The following TAF4 variants were observed in gnomAD, a reference collection of about 807,000 sequenced individuals.
TAF4 encodes TATA-box binding protein associated factor 4.
Under a neutral mutation model 90.3 loss-of-function variants are expected in TAF4, and 9 were observed. The observed-to-expected ratio is 0.10, with a 90% CI of 0.06 to 0.17. The LOEUF (loss-of-function observed/expected upper bound fraction) is 0.17, where lower values mean the gene tolerates loss of function less well. Among genes scored for constraint, TAF4 ranks in the 10% least tolerant of loss-of-function variants. The pLI is 1.00. For synonymous variants in TAF4, 818 were observed against 638.9 expected (o/e 1.28, Z -4.23); for missense variants, 1,351 against 1,370.7 (o/e 0.99, Z 0.23).
chr20:62,005,033 ACT>A (rs1254126867), intron 7 of TAF4: 2 of 152,314 alleles, frequency 1.3e-5, no homozygotes, highest in Non-Finnish European at 1.5e-5. Context: ...TGGCAGGTAA[ACT>A]CTATGCTGCA....
intron 11 of TAF4, among the ~76,000 whole-genome samples, 184 bp downstream of exon 11, chr20:61,999,940 C>A (rs1012752734): frequency 2.6e-5 from 4 of 152,186 alleles, no homozygotes; most frequent in African/African-American, 7.2e-5. Flanking sequence ...CAGAGTGAGA[C>A]CCTACCTCAA....
chr20:62,017,283 A>T (rs2055817450), intron 1 of TAF4, among the ~76,000 whole-genome samples: 1 of 152,208 alleles, frequency 6.6e-6, no homozygotes, highest in Non-Finnish European at 1.5e-5. Context: ...ACCCAATGTC[A>T]AACCTGACAT....
chr20:62,022,151 C>T (rs923974817), intron 1 of TAF4, among the ~76,000 whole-genome samples: 8 of 152,126 alleles, frequency 5.3e-5, no homozygotes, highest in African/African-American at 9.7e-5. Context: ...GTGTCTGCGC[C>T]GTGGAGACCT....
rs941449676 is a variant in TAF4, at chr20:62,010,936, G to A, written c.1642-771C>T. Among the ~76,000 whole-genome samples, 12 of 152,238 alleles carry A rather than the reference G, an allele frequency of 7.9e-5. No homozygotes were observed. On this transcript the variant is annotated intron_variant, in intron 3 of 14. Coordinates refer to ENST00000252996, the MANE Select transcript of TAF4 (RefSeq NM_003185.4). This position sits in a 1 kb window ranked among gnomAD's most constrained non-coding sequence, Gnocchi z 4.5. Reference sequence around the variant, plus strand: ...TATTTTAAACTAGTACTTTTCCAATGTATAAATCTAGCAGTCAACATTTTC... The same window carrying A: ...TATTTTAAACTAGTACTTTTCCAATATATAAATCTAGCAGTCAACATTTTC...
intron 3 of TAF4, among the ~76,000 whole-genome samples, chr20:62,011,090 C>T (rs1336859320): frequency 6.6e-6 from 1 of 152,232 alleles, no homozygotes; most frequent in Non-Finnish European, 1.5e-5. Context: ...GGAAGCAACT[C>T]TGAACCAGCC....
At chr20:62,057,658 G>A (rs2056072452) in intron 1 of TAF4, among the ~76,000 whole-genome samples, 2 of 51,614 alleles carry the variant, frequency 3.9e-5, no homozygotes, top group East Asian at 3.0e-4. Context: ...CACAGACAAT[G>A]GGGCTCGGGG....
intron 1 of TAF4, among the ~76,000 whole-genome samples, chr20:62,049,515 G>A (rs891523794): frequency 3.3e-5 from 5 of 152,114 alleles, no homozygotes; most frequent in South Asian, 2.1e-4. Flanking sequence ...ACAGCCTTCA[G>A]GGGTCCCCAC....
chr20:62,026,302 C>T (rs925199063), intron 1 of TAF4, among the ~76,000 whole-genome samples: 26 of 152,138 alleles, frequency 1.7e-4, no homozygotes, highest in South Asian at 2.1e-4. Flanking sequence ...AACACAGGGA[C>T]GTGAGTGTGC....
chr20:62,027,972 G>A (rs1045515461), intron 1 of TAF4, among the ~76,000 whole-genome samples: 1 of 152,252 alleles, frequency 6.6e-6, no homozygotes, highest in Non-Finnish European at 1.5e-5. Context: ...AGCCAGGCCA[G>A]GAGTTGTATC....
In TAF4 at chr20:61,982,200, CCCGAGAGGAGACACCAAACCCACACCCA is replaced by C. The variant is rs1311069851; in HGVS notation, c.3091-5893_3091-5866del. On this transcript the variant is annotated intron_variant, in intron 14 of 14. Transcript: ENST00000252996. ...GAGGAGACACCAAACCCACACCCCA[CCCGAGAGGAGACACCAAACCCACACCCA>C]CTGAGAGGAAACACCAAACCCACAC... Among the ~76,000 whole-genome samples, 46 of 118,624 alleles carry C rather than the reference CCCGAGAGGAGACACCAAACCCACACCCA, an allele frequency of 3.9e-4. 1 individual carries two copies. Among genetic ancestry groups the C allele is most frequent in the African/African-American group, 5.4e-4 (17 of 31,252 alleles). 77.8% of individuals were successfully genotyped at this position (118,624 alleles called of 152,430 possible).
intron 7 of TAF4, 123 bp from the exon 8 acceptor site, chr20:62,004,001 G>A: frequency 1.6e-6 from 2 of 1,240,166 alleles, no homozygotes; most frequent in Non-Finnish European, 2.2e-6. Context: ...AGAAGTCCTA[G>A]GAAGACCCCG....
chr20:62,033,771 G>C (rs1373956184), intron 1 of TAF4, among the ~76,000 whole-genome samples: 1 of 151,152 alleles, frequency 6.6e-6, no homozygotes, highest in African/African-American at 2.4e-5. Context: ...GGCCAGGTGA[G>C]GTGGCTCACG....
chr20:62,018,456 T>C, intron 1 of TAF4, among the ~76,000 whole-genome samples: 1 of 152,090 alleles, frequency 6.6e-6, no homozygotes, highest in Non-Finnish European at 1.5e-5. Flanking sequence ...AATTTAAGAG[T>C]AATCAACCGT....
At position 62,003,222 on chromosome 20, in the gene TAF4, G is replaced by A. The variant is rs1006245033; in HGVS notation, c.2424C>T (p.Val808=). 20 of 1,614,074 alleles carry A rather than the reference G, an allele frequency of 1.2e-5. No individual in the cohort carries two copies. The highest frequency in any genetic ancestry group is 1.5e-5 in the Non-Finnish European group (18 of 1,180,054). The part of the protein sequence containing the change: ...VLPGTKALSA[V]SAQAAAAQKN... ...TCTGTGCAGCAGCTGCTTGTGCCGA[G>A]ACAGCAGAAAGGGCTTTGGTTCCAG... Residue 808 remains valine (V), a synonymous_variant, in exon 9 of 15, where the codon GTC becomes GTT. Coordinates refer to ENST00000252996, the MANE Select transcript of TAF4 (RefSeq NM_003185.4).
chr20:61,983,878 T>C (rs1172061698), intron 14 of TAF4, among the ~76,000 whole-genome samples: 1 of 152,078 alleles, frequency 6.6e-6, no homozygotes, highest in African/African-American at 2.4e-5. Flanking sequence ...TCAGGGATTG[T>C]AGGCTGGGGG....
At chr20:62,031,649 C>T (rs2055904912) in intron 1 of TAF4, among the ~76,000 whole-genome samples, 1 of 152,186 alleles carries the variant, frequency 6.6e-6, no homozygotes, top group Non-Finnish European at 1.5e-5. Context: ...GGGCGTTTTT[C>T]ACTCTATTCT....
chr20:62,013,629 G>A (rs749134352), intron 2 of TAF4, among the ~76,000 whole-genome samples: 2 of 152,266 alleles, frequency 1.3e-5, no homozygotes, highest in Non-Finnish European at 2.9e-5. Context: ...CAGAGGGTAC[G>A]CAGCTCACGT....
chr20:61,981,042 G>A (rs1295610409), intron 14 of TAF4: 1 of 152,492 alleles, frequency 6.6e-6, no homozygotes, highest in Non-Finnish European at 1.5e-5. Context: ...ACTGGGTGGT[G>A]AGGCAGAAAA....
intron 9 of TAF4, among the ~76,000 whole-genome samples, chr20:62,001,731 G>A (rs1240134529): frequency 6.6e-6 from 1 of 152,168 alleles, no homozygotes; most frequent in Non-Finnish European, 1.5e-5. Context: ...ACCCGGCCAT[G>A]GGAGGGAGGC....
Sources: allele counts gnomAD v4.1 joint callset (sites outside exome capture counted in the v4.1 genomes callset), GRCh38; gene constraint gnomAD v4.1.1; non-coding constraint Gnocchi (gnomAD v3.1); transcripts MANE v1.5; gene names NCBI Gene and HGNC (gene_info 2026-07-23, HGNC 2026-07-21).